P2RX7: variants seen among roughly 807,000 people sequenced by gnomAD.
The protein encoded by P2RX7 is purinergic receptor P2X 7.
A neutral mutation model predicts 71.6 loss-of-function variants in P2RX7; 62 were observed. The observed-to-expected ratio is 0.87, with a 90% CI of 0.71 to 1.07. P2RX7 has a LOEUF of 1.07. Ranked by LOEUF, P2RX7 falls within the 50% of genes least tolerant of loss-of-function variation. P2RX7 has a pLI of 0.00. For missense variants in P2RX7, 686 were observed against 748.5 expected (o/e 0.92, Z 0.97); for synonymous variants, 299 against 283.3 (o/e 1.06, Z -0.56).
At chr12:121,167,343 A>C (rs1881294819) in intron 7 of P2RX7, 145 bp from the exon 8 acceptor site, 1 of 829,822 alleles carries the variant, frequency 1.2e-6, no homozygotes, top group African/African-American at 1.7e-5. Flanking sequence ...CACTTGTGCG[A>C]GTTAGGTGGG....
chr12:121,146,560 G>T (rs954907369), intron 1 of P2RX7, among the ~76,000 whole-genome samples: 1 of 152,104 alleles, frequency 6.6e-6, no homozygotes, highest in African/African-American at 2.4e-5. Context: ...CCAAAGTGCT[G>T]GGATTACAGC....
At position 121,177,423 on chromosome 12, in the gene P2RX7, G is replaced by A. The variant is rs780444496; in HGVS notation, c.1165G>A (p.Glu389Lys). ...CGAATACTACTACAGGAAGAAGTGC[G>A]AGTCCATTGTGGAGCCAAAGCCGGT... Reference protein sequence around the residue: ...VNEYYYRKKCESIVEPKPTLK... With the variant: ...VNEYYYRKKCKSIVEPKPTLK... Residue 389 changes from glutamate to lysine, a missense_variant, in exon 11 of 13, where the codon GAG (glutamate) becomes AAG (lysine). Coordinates refer to ENST00000328963, the MANE Select transcript of P2RX7 (RefSeq NM_002562.6). The A allele has an allele frequency of 3.7e-6, 6 of 1,613,304 alleles. No individual in the cohort carries two copies. Among genetic ancestry groups the A allele is most frequent in the Non-Finnish European group, 4.2e-6 (5 of 1,180,028 alleles).
At chr12:121,173,086 C>T (rs543736718) in intron 8 of P2RX7, among the ~76,000 whole-genome samples, 8 of 152,296 alleles carry the variant, frequency 5.3e-5, no homozygotes, top group Admixed American at 3.9e-4. Context: ...TTGCATATCA[C>T]GGGTGACTGT....
At chr12:121,164,812 A>G (rs913197823) in intron 5 of P2RX7, among the ~76,000 whole-genome samples, 1 of 151,984 alleles carries the variant, frequency 6.6e-6, no homozygotes, top group African/African-American at 2.4e-5. Context: ...ATAAAGAACT[A>G]CCTGAGACCA....
At chr12:121,161,826 T>C (rs1359165572) in intron 4 of P2RX7, among the ~76,000 whole-genome samples, 1 of 143,194 alleles carries the variant, frequency 7.0e-6, no homozygotes, top group Admixed American at 6.9e-5. Flanking sequence ...ATTTTAAAAA[T>C]ACTGCAAATA....
At chr12:121,160,353 A>T (rs1879422263) in intron 3 of P2RX7, among the ~76,000 whole-genome samples, 1 of 152,038 alleles carries the variant, frequency 6.6e-6, no homozygotes, top group Non-Finnish European at 1.5e-5. Context: ...CACCATGTTG[A>T]GCAGGCTGGT....
intron 1 of P2RX7, among the ~76,000 whole-genome samples, chr12:121,153,497 G>A (rs1191663609): frequency 2.0e-5 from 3 of 151,986 alleles, no homozygotes; most frequent in African/African-American, 4.8e-5. Context: ...GACCAACATG[G>A]CGAAACCTTG....
rs1013742232 is a variant in P2RX7 at position 121,154,303 on chromosome 12, AGAG to A, written c.126-481_126-479del. Among the ~76,000 whole-genome samples the A allele has an allele frequency of 4.9e-5, 7 of 141,884 alleles. No homozygotes were observed. Among genetic ancestry groups the A allele is most frequent in the South Asian group, 4.7e-4 (2 of 4,222 alleles). The allele number at this position is 141,884 out of a possible 152,430, so 93.1% of individuals were successfully genotyped here. A position where few individuals can be genotyped will look rare whatever the true frequency, so the allele number is the denominator to read the frequency against. On this transcript the variant is annotated intron_variant, in intron 1 of 12. Transcript: ENST00000328963. The surrounding 1 kb of genome is among the most constrained non-coding windows in gnomAD (Gnocchi z 4.2). ...AAAACTCTGTTTCAAAAAAAAAAAA[AGAG>A]AGAGAGAGAGAGTAGCTGCCATTTT...
intron 11 of P2RX7, 137 bp from the exon 12 acceptor site, chr12:121,180,217 C>T: frequency 1.3e-5 from 4 of 305,816 alleles, no homozygotes; most frequent in South Asian, 7.9e-5. Context: ...ATCATTAATT[C>T]TTGGTTAATG....
chr12:121,156,028 T>C, intron 2 of P2RX7, 51 bp from the exon 3 acceptor site: 1 of 1,449,510 alleles, frequency 6.9e-7, no homozygotes, highest in Non-Finnish European at 9.7e-7. Context: ...TATAATTAAG[T>C]AGTTCTCTTT....
intron 12 of P2RX7, among the ~76,000 whole-genome samples, chr12:121,181,729 C>T (rs546491321): frequency 2.6e-5 from 4 of 151,956 alleles, no homozygotes; most frequent in South Asian, 4.2e-4. Flanking sequence ...TGGTGGCGGG[C>T]GACTGTAGTC....
intron 9 of P2RX7, among the ~76,000 whole-genome samples, chr12:121,176,446 G>T (rs564836880): frequency 3.0e-4 from 46 of 152,254 alleles, no homozygotes; most frequent in Non-Finnish European, 5.4e-4. Context: ...TGCAAAGACC[G>T]CTGGGAATAA....
intron 1 of P2RX7, among the ~76,000 whole-genome samples, chr12:121,135,857 A>G (rs1316663065): frequency 6.7e-6 from 1 of 150,148 alleles, no homozygotes; most frequent in Non-Finnish European, 1.5e-5. Context: ...TACAAAAATT[A>G]GCCGGGCATG....
rs1377726663 is a variant in P2RX7, at chr12:121,187,788, G to T, written c.*2986G>T. 1 of 152,144 alleles carries T rather than the reference G, an allele frequency of 6.6e-6. No individual in the cohort carries two copies. The highest frequency in any genetic ancestry group is 1.5e-5 in the Non-Finnish European group (1 of 68,024). 9.4% of individuals were successfully genotyped at this position (152,144 alleles called of 1,614,324 possible). On this transcript the variant is annotated 3_prime_UTR_variant, in exon 13 of 13. Transcript: ENST00000328963. The stretch of plus-strand genomic sequence containing the variant: ...AGGTGATGAGAGTCACGTTTTGTAG[G>T]ATCTGTTTTCTTATACTTAAAGACA...
intron 3 of P2RX7, 82 bp downstream of exon 3, chr12:121,156,229 C>T: frequency 8.9e-7 from 1 of 1,127,316 alleles, no homozygotes; most frequent in African/African-American, 1.5e-5. Flanking sequence ...GAAATGCGGA[C>T]CCTGGGGTGT....
chr12:121,186,715 C>G lies in P2RX7; in HGVS notation c.*1913C>G, dbSNP rs1276452231. 1 of 151,984 alleles carries G rather than the reference C, an allele frequency of 6.6e-6. No individual in the cohort carries two copies. The highest frequency in any genetic ancestry group is 1.5e-5 in the Non-Finnish European group (1 of 68,018). The allele number at this position is 151,984 out of a possible 1,614,324, so 9.4% of individuals were successfully genotyped here. ...TGAGACCCTGTCTCTACTAAGAATA[C>G]AAAAATTAGGTGGGTGTGGCGGTGG... On this transcript the variant is annotated 3_prime_UTR_variant, in exon 13 of 13. Transcript: ENST00000328963.
chr12:121,148,931 G>A (rs777701195), intron 1 of P2RX7: 151 of 391,266 alleles, frequency 3.9e-4, no homozygotes, highest in Non-Finnish European at 6.7e-4. Context: ...CCTGGCTTAG[G>A]TGTGAGCTAA....
At chr12:121,184,009 G>A (rs141416665) in intron 12 of P2RX7, among the ~76,000 whole-genome samples, 136 of 150,372 alleles carry the variant, frequency 9.0e-4, no homozygotes, top group Non-Finnish European at 1.7e-3. Context: ...AAGTTGCAGT[G>A]AGCCAAGATC....
Position 121,162,638 on chromosome 12 carries a change from G to T in P2RX7, c.533+118G>T, listed in dbSNP as rs909399831. 7 of 1,226,800 alleles carry T rather than the reference G, an allele frequency of 5.7e-6. No individual in the cohort carries two copies. The African/African-American group carries it at 1.0e-4, about 18-fold the overall frequency. 76.0% of individuals were successfully genotyped at this position (1,226,800 alleles called of 1,614,324 possible). ...CCCTGCAAAGTCCTGGGTCCTACCG[G>T]CTTGGGGACCCCTGCGCTCTGGATG... On this transcript the variant is annotated intron_variant, in intron 5 of 12. Coordinates refer to ENST00000328963, the MANE Select transcript of P2RX7 (RefSeq NM_002562.6).
Sources: gnomAD v4.1 joint callset for allele counts (sites outside exome capture counted in the v4.1 genomes callset) on GRCh38, gnomAD v4.1.1 for gene constraint, Gnocchi (gnomAD v3.1) non-coding constraint, MANE v1.5 for transcripts, NCBI Gene and HGNC (gene_info 2026-07-23, HGNC 2026-07-21) for gene names.